Variants in ANO3 observed in about 807,000 individuals in gnomAD.
ANO3 encodes anoctamin-3.
ANO3 carries 99 observed loss-of-function variants against 144.8 expected under a neutral mutation model. That is an observed-to-expected ratio of 0.68 (90% CI 0.58 to 0.81). ANO3 has a LOEUF of 0.81. ANO3 is among the 30% of genes least tolerant of loss of function. The pLI is 0.00. For synonymous variants in ANO3, 414 were observed against 392.6 expected (o/e 1.05, Z -0.64); for missense variants, 905 against 1,202.2 (o/e 0.75, Z 3.66).
chr11:26,451,499 A>G (rs1858937023), intron 3 of ANO3, among the ~76,000 whole-genome samples: 1 of 152,148 alleles, frequency 6.6e-6, no homozygotes, highest in African/African-American at 2.4e-5. Context: ...CAGCAGTCTG[A>G]GATCAAACTG....
intron 7 of ANO3, among the ~76,000 whole-genome samples, chr11:26,527,024 T>C (rs1198569354): frequency 6.9e-6 from 1 of 145,006 alleles, no homozygotes; most frequent in Non-Finnish European, 1.5e-5. Flanking sequence ...TTTGCTACTA[T>C]AGAATTAGTG....
intron 1 of ANO3, among the ~76,000 whole-genome samples, chr11:26,387,554 C>T (rs1054602891): frequency 1.1e-4 from 17 of 152,030 alleles, no homozygotes; most frequent in African/African-American, 3.9e-4. Flanking sequence ...GTTCATCTTT[C>T]TGATTCTATA....
chr11:26,642,342 C>CTTT (rs576729432), intron 22 of ANO3, among the ~76,000 whole-genome samples: 59 of 92,980 alleles, frequency 6.3e-4, no homozygotes, highest in Middle Eastern at 6.9e-3. Flanking sequence ...TTCTTTCTTT[C>CTTT]TTTTTTTTTT....
At chr11:26,422,703 T>TA (rs1361550528) in intron 1 of ANO3, among the ~76,000 whole-genome samples, 1 of 151,958 alleles carries the variant, frequency 6.6e-6, no homozygotes, top group East Asian at 1.9e-4. Context: ...AATACCAGGT[T>TA]AAACTATAGA....
In ANO3 at chr11:26,537,399, T is replaced by A. The variant is rs1368549438; in HGVS notation, c.977-7T>A. 1 of 1,610,646 alleles carries A rather than the reference T, an allele frequency of 6.2e-7. No homozygotes were observed. The highest frequency in any genetic ancestry group is 1.7e-5 in the Admixed American group (1 of 60,026). On this transcript the variant is annotated splice_region_variant and splice_polypyrimidine_tract_variant and intron_variant, in intron 9 of 26. Transcript: ENST00000256737. Reference sequence around the variant, plus strand: ...ACTCAATAACTGTCCTTTTCTTCTCTTTGCAGGTATCCGTAAACTTATAAA... The same window carrying A: ...ACTCAATAACTGTCCTTTTCTTCTCATTGCAGGTATCCGTAAACTTATAAA...
chr11:26,619,973 A>G (rs1852369420), intron 17 of ANO3, among the ~76,000 whole-genome samples: 1 of 152,230 alleles, frequency 6.6e-6, no homozygotes, highest in Non-Finnish European at 1.5e-5. Flanking sequence ...TAAATTACAA[A>G]TAATTTTATT....
chr11:26,498,884 G>GA (rs1861077276), intron 4 of ANO3, among the ~76,000 whole-genome samples: 1 of 151,760 alleles, frequency 6.6e-6, no homozygotes, highest in African/African-American at 2.4e-5. Flanking sequence ...TTTAAGCTTT[G>GA]AAAAAATGTA....
chr11:26,430,644 T>C (rs1284223852), intron 1 of ANO3, among the ~76,000 whole-genome samples: 2 of 151,692 alleles, frequency 1.3e-5, no homozygotes, highest in Non-Finnish European at 2.9e-5. Context: ...GTTAATGAAA[T>C]AGAAGACAGA....
At position 26,469,935 on chromosome 11, in the gene ANO3, T is replaced by C. The variant is rs867410302; in HGVS notation, c.432+6787T>C. ...AATTAGAAATTGTTTATATCAGTAT[T>C]AGGTTTTGTTGTACTTTTAAACTAT... On this transcript the variant is annotated intron_variant, in intron 4 of 26. Coordinates refer to ENST00000256737, the MANE Select transcript of ANO3 (RefSeq NM_031418.4). 2.2e-4 allele frequency among the ~76,000 whole-genome samples: 34 copies of C among 152,048 alleles called. 1 individual carries two copies. In the Middle Eastern group the frequency reaches 0.027, roughly 122 times the overall value.
At chr11:26,252,811 G>A (rs1163450136) in intron 1 of ANO3, among the ~76,000 whole-genome samples, 1 of 152,132 alleles carries the variant, frequency 6.6e-6, no homozygotes, top group Non-Finnish European at 1.5e-5. Context: ...TTTATGCTAT[G>A]TCTAAAGTAT....
intron 1 of ANO3, among the ~76,000 whole-genome samples, chr11:26,275,344 G>C (rs1488756365): frequency 1.3e-5 from 2 of 151,986 alleles, no homozygotes. Flanking sequence ...AGTATTTCAT[G>C]GCTACACTCT....
chr11:26,580,560 G>A (rs1318184433), intron 14 of ANO3, among the ~76,000 whole-genome samples: 3 of 152,148 alleles, frequency 2.0e-5, no homozygotes, highest in Non-Finnish European at 4.4e-5. Context: ...CCTGAATAGA[G>A]AGCCAAAAGA....
chr11:26,440,374 AAT>A (rs1467588405), intron 1 of ANO3, among the ~76,000 whole-genome samples: 2 of 152,188 alleles, frequency 1.3e-5, no homozygotes, highest in Non-Finnish European at 2.9e-5. Context: ...AATAAAACAA[AAT>A]ATATAATATG....
chr11:26,490,275 A>C (rs1448178128), intron 4 of ANO3, among the ~76,000 whole-genome samples: 3 of 152,166 alleles, frequency 2.0e-5, no homozygotes, highest in East Asian at 1.9e-4. Context: ...GCCTCCTGCC[A>C]TGATTCTGAG....
chr11:26,307,458 T>A (rs1356327488), upstream of ANO3, among the ~76,000 whole-genome samples: 1 of 152,092 alleles, frequency 6.6e-6, no homozygotes, highest in Non-Finnish European at 1.5e-5. Context: ...CCCAGCACTT[T>A]GGGAGGCTGA....
intron 1 of ANO3, among the ~76,000 whole-genome samples, chr11:26,426,549 G>A (rs889828957): frequency 1.3e-5 from 2 of 152,066 alleles, no homozygotes; most frequent in African/African-American, 4.8e-5. Context: ...GGTAATTCTT[G>A]AAAAATACCT....
chr11:26,554,450 T>C (rs985083393), intron 13 of ANO3, among the ~76,000 whole-genome samples: 1 of 152,048 alleles, frequency 6.6e-6, no homozygotes, highest in Non-Finnish European at 1.5e-5. Context: ...TACCTAGGAG[T>C]AGACTGGTTG....
intron 18 of ANO3, among the ~76,000 whole-genome samples, chr11:26,624,964 C>A (rs142908413): frequency 2.0e-5 from 3 of 151,690 alleles, no homozygotes; most frequent in Admixed American, 6.6e-5. Context: ...CTCAGTCGCC[C>A]AGAGTGGAGT....
At chr11:26,451,115 C>T (rs762008097) in intron 3 of ANO3, among the ~76,000 whole-genome samples, 7 of 152,158 alleles carry the variant, frequency 4.6e-5, no homozygotes, top group African/African-American at 1.2e-4. Flanking sequence ...CCAAGATGGC[C>T]GAATAGGAAC....
Sources: allele counts gnomAD v4.1 joint callset (sites outside exome capture counted in the v4.1 genomes callset), GRCh38; gene constraint gnomAD v4.1.1; transcripts MANE v1.5; gene names NCBI Gene and HGNC (gene_info 2026-07-23, HGNC 2026-07-21).